RBM28: variants seen among roughly 807,000 people sequenced by gnomAD.
RBM28 encodes RNA binding motif protein 28.
RBM28 carries 78 observed loss-of-function variants against 98.3 expected under a neutral mutation model. The ratio of observed to expected loss-of-function variants is 0.79; its 90% confidence interval spans 0.66 to 0.96. The LOEUF is 0.96. RBM28 is among the 40% of genes least tolerant of loss of function. The probability of loss-of-function intolerance (pLI) is 0.00; values close to 1 mark genes in which losing one functional copy is unlikely to be tolerated. For synonymous variants in RBM28, 306 were observed against 330.9 expected (o/e 0.92, Z 0.82); for missense variants, 838 against 913.0 (o/e 0.92, Z 1.06).
chr7:128,319,929 A>T (rs1796185861), intron 14 of RBM28, among the ~76,000 whole-genome samples: 1 of 152,102 alleles, frequency 6.6e-6, no homozygotes, highest in African/African-American at 2.4e-5. Context: ...GAAATTAGTC[A>T]AGCATGGGCT....
chr7:128,323,444 T>C, intron 13 of RBM28, 83 bp downstream of exon 13: 3 of 1,516,204 alleles, frequency 2.0e-6, no homozygotes, highest in Non-Finnish European at 2.8e-6. Context: ...GGCTCTTTGA[T>C]GAGCACATCT....
intron 17 of RBM28, among the ~76,000 whole-genome samples, chr7:128,314,214 G>A (rs539784729): frequency 1.3e-5 from 2 of 152,070 alleles, no homozygotes; most frequent in Admixed American, 6.5e-5. Context: ...CACCCGCCTC[G>A]GCCTCCCAAA....
At chr7:128,324,757 T>C in intron 11 of RBM28, 63 bp from the exon 12 acceptor site, 1 of 1,609,268 alleles carries the variant, frequency 6.2e-7, no homozygotes. Flanking sequence ...CTCACACCTG[T>C]AAACCGAGCA....
Position 128,302,614 on chromosome 7 carries a change from C to T in RBM28, c.*8183G>A, listed in dbSNP as rs1795796882. ...AAAATAAATGTATTCACTCCTCAGA[C>T]TCTCTTTTTTCACCTATTAGTATGT... On this transcript the variant is annotated 3_prime_UTR_variant, in exon 19 of 19. Transcript: ENST00000223073. 6.6e-6 allele frequency: 1 copy of T among 152,156 alleles called. No homozygotes were observed. Among genetic ancestry groups the T allele is most frequent in the Admixed American group, 6.5e-5 (1 of 15,284 alleles). 9.4% of individuals were successfully genotyped at this position (152,156 alleles called of 1,614,324 possible).
intron 1 of RBM28, among the ~76,000 whole-genome samples, chr7:128,342,203 C>T (rs757945718): frequency 6.6e-6 from 1 of 152,126 alleles, no homozygotes; most frequent in Non-Finnish European, 1.5e-5. Context: ...ATGACCCACT[C>T]AAGACCCACT....
intron 9 of RBM28, among the ~76,000 whole-genome samples, chr7:128,332,074 T>C (rs962395714): frequency 6.6e-6 from 1 of 152,242 alleles, no homozygotes; most frequent in Admixed American, 6.5e-5. Context: ...TCTTCTTCAC[T>C]GTGACATTTC....
intron 6 of RBM28, among the ~76,000 whole-genome samples, chr7:128,336,808 C>T (rs950361544): frequency 1.3e-5 from 2 of 152,116 alleles, no homozygotes; most frequent in East Asian, 1.9e-4. Flanking sequence ...GGCTGGAGTG[C>T]AGTGGGGTGA....
chr7:128,343,010 G>A (rs1282524460), intron 1 of RBM28, among the ~76,000 whole-genome samples: 1 of 152,082 alleles, frequency 6.6e-6, no homozygotes, highest in African/African-American at 2.4e-5. Flanking sequence ...CTTAGCATTT[G>A]ACATCATTTT....
rs1170527107 is a variant in RBM28 at position 128,343,667 on chromosome 7, C to A, written c.118+9G>T. The A allele has an allele frequency of 1.3e-6, 2 of 1,599,170 alleles. No individual in the cohort carries two copies. The highest frequency in any genetic ancestry group is 2.2e-5 in the South Asian group (2 of 89,482). Reference sequence around the variant, plus strand: ...ACCCCAGCCCTATCCTCGACCGCCCCGCCCCTACCTTTTTCAGTCACCACG... The same window carrying A: ...ACCCCAGCCCTATCCTCGACCGCCCAGCCCCTACCTTTTTCAGTCACCACG... On this transcript the variant is annotated intron_variant, in intron 1 of 18. Coordinates refer to ENST00000223073, the MANE Select transcript of RBM28 (RefSeq NM_018077.3).
In RBM28 at chr7:128,309,108, C is replaced by T. The variant is rs1795925952; in HGVS notation, c.*1689G>A. 1 of 152,044 alleles carries T rather than the reference C, an allele frequency of 6.6e-6. No individual in the cohort carries two copies. Among genetic ancestry groups the T allele is most frequent in the African/African-American group, 2.4e-5 (1 of 41,398 alleles). 9.4% of individuals were successfully genotyped at this position (152,044 alleles called of 1,614,324 possible). A position where few individuals can be genotyped will look rare whatever the true frequency, so the allele number is the denominator to read the frequency against. ...CGTTCTCAACTTTTTCTCTTGCCTA[C>T]TGAATACTGTTTCTTCCTTTCCTAC... On this transcript the variant is annotated 3_prime_UTR_variant, in exon 19 of 19. Transcript: ENST00000223073.
rs1465741999 is a variant in RBM28 at position 128,297,757 on chromosome 7, C to T, written c.*13040G>A. ...ACTTGGAACCAACCCAAATGTCCAA[C>T]AATGATAGACTGGATTAAGAAAATG... On this transcript the variant is annotated 3_prime_UTR_variant, in exon 19 of 19. Transcript: ENST00000223073. The T allele has an allele frequency of 6.6e-6, 1 of 151,966 alleles. No individual in the cohort carries two copies. The highest frequency in any genetic ancestry group is 6.6e-5 in the Admixed American group (1 of 15,258). The allele number at this position is 151,966 out of a possible 1,614,324, so 9.4% of individuals were successfully genotyped here.
In RBM28 at chr7:128,338,485, A is replaced by G. The variant is rs542012072; in HGVS notation, c.449-143T>C. 82 of 774,558 alleles carry G rather than the reference A, an allele frequency of 1.1e-4. No homozygotes were observed. The East Asian group carries it at 2.1e-3, about 20-fold the overall frequency. The allele number at this position is 774,558 out of a possible 1,614,324, so 48.0% of individuals were successfully genotyped here. On this transcript the variant is annotated intron_variant, in intron 4 of 18. Transcript: ENST00000223073. Reference sequence around the variant, plus strand: ...GCCCTTCCCCAAAGCAATTGCTTACATCTTCTTACTGAGTATACTCTGACT... The same window carrying G: ...GCCCTTCCCCAAAGCAATTGCTTACGTCTTCTTACTGAGTATACTCTGACT...
In RBM28 at chr7:128,335,542, C is replaced by G; in HGVS notation, c.946+1G>C. ...AGACATTTATGAAAATCCAAACAAA[C>G]CTTTATCCTCTTGCTCCTCAGTGCT... On this transcript the variant is annotated splice_donor_variant, in intron 8 of 18. Transcript: ENST00000223073. LOFTEE classifies it high-confidence loss of function. The G allele has an allele frequency of 6.2e-7, 1 of 1,614,140 alleles. No homozygotes were observed. The highest frequency in any genetic ancestry group is 8.5e-7 in the Non-Finnish European group (1 of 1,180,024).
intron 10 of RBM28, among the ~76,000 whole-genome samples, chr7:128,329,712 C>T (rs1210649118): frequency 6.6e-6 from 1 of 151,908 alleles, no homozygotes; most frequent in African/African-American, 2.4e-5. Flanking sequence ...GGTGAAGCCC[C>T]AACTCTACTA....
intron 16 of RBM28, among the ~76,000 whole-genome samples, chr7:128,315,528 C>T (rs1796088302): frequency 6.6e-6 from 1 of 152,044 alleles, no homozygotes. Flanking sequence ...AGAAGCCAGA[C>T]AGGGGAAAAA....
chr7:128,324,428 T>C (rs1796300912), intron 12 of RBM28, 131 bp downstream of exon 12: 2 of 1,298,606 alleles, frequency 1.5e-6, no homozygotes, highest in Non-Finnish European at 2.2e-6. Flanking sequence ...AGTGGAATGA[T>C]CATATAACAC....
rs2116288620 is a variant in RBM28, at chr7:128,298,358, A to C, written c.*12439T>G. ...TCAGGTGGGCATCACAGTCCTACTG[A>C]TATGCGACGTCACCCCCGGCAGCCC... On this transcript the variant is annotated 3_prime_UTR_variant, in exon 19 of 19. Transcript: ENST00000223073. 6.6e-6 allele frequency: 1 copy of C among 152,174 alleles called. No homozygotes were observed. The highest frequency in any genetic ancestry group is 1.9e-4 in the East Asian group (1 of 5,168). The allele number at this position is 152,174 out of a possible 1,614,324, so 9.4% of individuals were successfully genotyped here.
chr7:128,331,210 C>T (rs1796473879), intron 9 of RBM28, among the ~76,000 whole-genome samples: 2 of 151,940 alleles, frequency 1.3e-5, no homozygotes, highest in African/African-American at 4.8e-5. Context: ...AGGGAAACTT[C>T]TGGGGTGCTG....
chr7:128,310,967 A>G (rs762640140), intron 18 of RBM28, 36 bp from the exon 19 acceptor site: 5 of 1,593,558 alleles, frequency 3.1e-6, no homozygotes, highest in Middle Eastern at 1.7e-4. Context: ...AATATAATCA[A>G]TTTCAAAGAC....
Sources: allele counts gnomAD v4.1 joint callset (sites outside exome capture counted in the v4.1 genomes callset), GRCh38; gene constraint gnomAD v4.1.1; transcripts MANE v1.5; gene names NCBI Gene and HGNC (gene_info 2026-07-23, HGNC 2026-07-21).